The following LIMK2 variants were observed in gnomAD, a reference collection of about 807,000 sequenced individuals.
LIMK2 encodes the protein LIM domain kinase 2.
Under a neutral mutation model 75.7 loss-of-function variants are expected in LIMK2, and 35 were observed. The ratio of observed to expected loss-of-function variants is 0.46; its 90% CI spans 0.35 to 0.61. The LOEUF (loss-of-function observed/expected upper bound fraction) is 0.61, where lower values mean the gene tolerates loss of function less well. Among genes scored for constraint, LIMK2 ranks in the 20% least tolerant of loss-of-function variants. The pLI is 0.00. For synonymous variants in LIMK2, 301 were observed against 319.2 expected (o/e 0.94, Z 0.61); for missense variants, 623 against 831.0 (o/e 0.75, Z 3.08).
intron 15 of LIMK2, among the ~76,000 whole-genome samples, chr22:31,276,622 CGGCG>C (rs1349518539): frequency 6.8e-6 from 1 of 146,314 alleles, no homozygotes; most frequent in Non-Finnish European, 1.5e-5. Flanking sequence ...CTGAGCCAGC[CGGCG>C]GGCGTCACGG....
chr22:31,278,227 G>C, intron 15 of LIMK2, 70 bp from the exon 16 acceptor site: 2 of 1,399,084 alleles, frequency 1.4e-6, no homozygotes, highest in South Asian at 2.6e-5. Flanking sequence ...GCTGAGCCTA[G>C]ATCCCTTCCA....
intron 1 of LIMK2, among the ~76,000 whole-genome samples, chr22:31,219,325 A>ATTT (rs1292664840): frequency 6.6e-6 from 1 of 152,176 alleles, no homozygotes; most frequent in Non-Finnish European, 1.5e-5. Flanking sequence ...CATAAAGTGA[A>ATTT]TGTAAAGTGA....
At position 31,262,578 on chromosome 22, in the gene LIMK2, A is replaced by G; in HGVS notation, c.658-17A>G. 1 of 1,602,294 alleles carries G rather than the reference A, an allele frequency of 6.2e-7. No individual in the cohort carries two copies. The highest frequency in any genetic ancestry group is 1.1e-5 in the South Asian group (1 of 89,714). On this transcript the variant is annotated splice_polypyrimidine_tract_variant and intron_variant, in intron 6 of 15. Coordinates refer to ENST00000331728, the MANE Select transcript of LIMK2 (RefSeq NM_005569.4). The surrounding 1 kb of genome is among the most constrained non-coding windows in gnomAD (Gnocchi z 5.0). ...ATGGGGCAGCCTGTGGGAGCTTTAT[A>G]CTGCTCTTGGCCACAGGTGGAGGAT...
At chr22:31,250,112 AAGGGAT>A (rs1461902944) in intron 2 of LIMK2, among the ~76,000 whole-genome samples, 1 of 152,170 alleles carries the variant, frequency 6.6e-6, no homozygotes, top group African/African-American at 2.4e-5. Context: ...AGAGTAAAAA[AAGGGAT>A]AGTTTGCCTG....
At chr22:31,276,663 C>T (rs1370461370) in intron 15 of LIMK2, 8 of 1,030,974 alleles carry the variant, frequency 7.8e-6, no homozygotes, top group African/African-American at 3.5e-5. Context: ...AGGGGCCCCA[C>T]GCGCGCACGT....
chr22:31,229,533 GGGA>G (rs1197839225), intron 2 of LIMK2, among the ~76,000 whole-genome samples: 3 of 152,128 alleles, frequency 2.0e-5, no homozygotes, highest in Non-Finnish European at 2.9e-5. Flanking sequence ...CAGGCCTGCT[GGGA>G]GGAGGACTCT....
chr22:31,266,541 G>A (rs555668563), intron 8 of LIMK2, among the ~76,000 whole-genome samples: 1 of 152,130 alleles, frequency 6.6e-6, no homozygotes, highest in Non-Finnish European at 1.5e-5. Flanking sequence ...GAACTGGGAG[G>A]GGGGGTCAGG....
intron 1 of LIMK2, chr22:31,222,964 A>G: frequency 6.6e-6 from 1 of 152,196 alleles, no homozygotes; most frequent in Non-Finnish European, 1.5e-5. Flanking sequence ...TCTAAGAAGT[A>G]AGATGGAATG....
At chr22:31,249,607 T>G (rs1440107674) in intron 2 of LIMK2, among the ~76,000 whole-genome samples, 1 of 152,122 alleles carries the variant, frequency 6.6e-6, no homozygotes, top group East Asian at 1.9e-4. Flanking sequence ...GGGTGGGGTT[T>G]GTTTTCATTC....
chr22:31,247,999 C>T (rs1251731808), intron 2 of LIMK2, among the ~76,000 whole-genome samples: 1 of 151,536 alleles, frequency 6.6e-6, no homozygotes, highest in Non-Finnish European at 1.5e-5. Context: ...TCTCTCCTAC[C>T]AGAGGTCCCC....
Position 31,272,661 on chromosome 22 carries a change from G to C in LIMK2, c.1515G>C (p.Thr505=). 6.2e-7 allele frequency: 1 copy of C among 1,613,398 alleles called. No individual in the cohort carries two copies. Among genetic ancestry groups the C allele is most frequent in the Non-Finnish European group, 8.5e-7 (1 of 1,179,734 alleles). ...LRKNDRKKRY[T]VVGNPYWMAP... The stretch of plus-strand genomic sequence containing the variant: ...AGAACGACCGCAAGAAGCGCTACAC[G>C]GTGGTGGGAAACCCCTACTGGATGG... The change falls in exon 13 of 16, where the codon ACG becomes ACC. Residue 505 remains threonine, a synonymous_variant. Transcript: ENST00000331728.
chr22:31,259,517 T>G (rs1040682991), intron 4 of LIMK2, among the ~76,000 whole-genome samples: 1 of 152,070 alleles, frequency 6.6e-6, no homozygotes, highest in African/African-American at 2.4e-5. Context: ...AAAGACCCCT[T>G]AGAGCTCACC....
At chr22:31,228,234 T>C (rs2048496495) in intron 2 of LIMK2, among the ~76,000 whole-genome samples, 1 of 152,040 alleles carries the variant, frequency 6.6e-6, no homozygotes, top group Non-Finnish European at 1.5e-5. Flanking sequence ...CTGACCAACA[T>C]GGTGAAACCC....
rs1157069053 is a variant in LIMK2, at chr22:31,276,546, T to A, written c.1772+1238T>A. 1.4e-4 allele frequency among the ~76,000 whole-genome samples: 21 copies of A among 145,736 alleles called. 1 individual carries two copies. In the South Asian group the frequency reaches 3.8e-3, roughly 26 times the overall value. On this transcript the variant is annotated intron_variant, in intron 15 of 15. Transcript: ENST00000331728. Reference sequence around the variant, plus strand: ...GCGCGACCAGGCCAGGCCCGGGGGCTCCGCATGCTGCAGCTGCCCCCGGGC... The same window carrying A: ...GCGCGACCAGGCCAGGCCCGGGGGCACCGCATGCTGCAGCTGCCCCCGGGC...
chr22:31,250,334 C>A (rs907781807), intron 2 of LIMK2, among the ~76,000 whole-genome samples: 1 of 152,260 alleles, frequency 6.6e-6, no homozygotes, highest in Admixed American at 6.5e-5. Flanking sequence ...ACCCCTTTTA[C>A]CCTTGGAGAG....
At chr22:31,249,150 C>T (rs1424462677) in intron 2 of LIMK2, among the ~76,000 whole-genome samples, 1 of 152,160 alleles carries the variant, frequency 6.6e-6, no homozygotes, top group Non-Finnish European at 1.5e-5. Flanking sequence ...GCTGCCTGCC[C>T]AGGAATTTGT....
chr22:31,272,846 TG>T, intron 13 of LIMK2, 142 bp downstream of exon 13: 1 of 1,410,932 alleles, frequency 7.1e-7, no homozygotes. Context: ...CCTTGCCAGG[TG>T]GGGCCTCACG....
intron 7 of LIMK2, among the ~76,000 whole-genome samples, chr22:31,264,784 C>T (rs5753531): frequency 0.04 from 6,028 of 151,430 alleles, 531 homozygotes; most frequent in East Asian, 0.39. Context: ...TTAGGCTGGG[C>T]GCAGTGGCTC....
chr22:31,214,786 GT>G lies in LIMK2; in HGVS notation c.16+2368del, dbSNP rs529182914. ...GCCTTGGAGCTGGGAGGTCAATATGGTTTTTTGATTTTTTTGTAGGGGGTGG... is the reference window on the plus strand; with the variant it reads ...GCCTTGGAGCTGGGAGGTCAATATGGTTTTTGATTTTTTTGTAGGGGGTGG... On this transcript the variant is annotated intron_variant, in intron 1 of 15. Transcript: ENST00000331728. 1.9e-3 allele frequency among the ~76,000 whole-genome samples: 282 copies of G among 152,108 alleles called. 2 individuals are homozygous for G. The highest frequency in any genetic ancestry group is 2.6e-3 in the Non-Finnish European group (180 of 67,974).
Sources: allele counts gnomAD v4.1 joint callset (sites outside exome capture counted in the v4.1 genomes callset), GRCh38; gene constraint gnomAD v4.1.1; non-coding constraint Gnocchi (gnomAD v3.1); transcripts MANE v1.5; gene names NCBI Gene and HGNC (gene_info 2026-07-23, HGNC 2026-07-21).